Variants in ANK3 observed in about 807,000 individuals in gnomAD.
ANK3 encodes the protein ankyrin-3.
A neutral mutation model predicts 370.9 loss-of-function variants in ANK3; 57 were observed. That is an observed-to-expected ratio of 0.15 (90% CI 0.12 to 0.19). The LOEUF is 0.19. Among genes scored for constraint, ANK3 ranks in the 10% least tolerant of loss-of-function variants. ANK3 has a pLI of 1.00. For synonymous variants in ANK3, 1,929 were observed against 1,946.3 expected, an observed-to-expected ratio of 0.99 and a Z score of 0.23; for missense variants, 4,439 against 5,302.1, an observed-to-expected ratio of 0.84 and a Z score of 5.06.
intron 1 of ANK3, among the ~76,000 whole-genome samples, chr10:60,727,559 T>C (rs1259797639): frequency 6.6e-6 from 1 of 152,204 alleles, no homozygotes; most frequent in African/African-American, 2.4e-5. Context: ...GTATGTGAAT[T>C]ATACCTCAAT....
chr10:60,093,355 T>C (rs940665866), intron 28 of ANK3, among the ~76,000 whole-genome samples: 4 of 152,218 alleles, frequency 2.6e-5, no homozygotes, highest in Admixed American at 2.6e-4. Context: ...GGCTCAGGAC[T>C]CCTTATGGTG....
chr10:60,072,149 C>A lies in ANK3; in HGVS notation c.8732G>T (p.Gly2911Val). Residue 2911 changes from glycine (G) to valine (V), a missense_variant, in exon 37 of 44, where the codon GGC (glycine) becomes GTC (valine). By Grantham distance (109) the Gly-to-Val change is moderately radical. Transcript: ENST00000280772. ...CATTTCTTTAATTTCTGAGAGAGAGCCGTTTGTTAACAATTTGCGTTCTCT... is the reference window on the plus strand; with the variant it reads ...CATTTCTTTAATTTCTGAGAGAGAGACGTTTGTTAACAATTTGCGTTCTCT... The part of the protein sequence containing the change: ...TERERKLLTN[G>V]SLSEIKEMTV... 1 of 1,613,726 alleles carries A rather than the reference C, an allele frequency of 6.2e-7. No homozygotes were observed. The highest frequency in any genetic ancestry group is 8.5e-7 in the Non-Finnish European group (1 of 1,179,982).
Position 60,071,683 on chromosome 10 carries a change from G to A in ANK3, c.9198C>T (p.Phe3066=), listed in dbSNP as rs777160465. 4.2e-5 allele frequency: 68 copies of A among 1,602,920 alleles called. No homozygotes were observed. The highest frequency in any genetic ancestry group is 5.5e-5 in the Non-Finnish European group (65 of 1,176,002). The change falls in exon 37 of 44, where the codon TTC becomes TTT. Residue 3066 remains phenylalanine (F), a synonymous_variant. Coordinates refer to ENST00000280772, the MANE Select transcript of ANK3 (RefSeq NM_020987.5). ...CCAATCCATCAATGGGACTGTGGTC[G>A]AATACATCACTAGAGGGAGATTCCT... is the stretch of plus-strand genomic sequence containing the variant. ...PGKESPSSDV[F]DHSPIDGLEK...
At chr10:60,389,945 A>G (rs2062955667), upstream of ANK3, 1 of 733,884 alleles carries the variant, frequency 1.4e-6, no homozygotes, top group Non-Finnish European at 1.7e-6. Context: ...GTCACCACAC[A>G]TGCAGAAGCA....
chr10:60,168,537 G>GT (rs986479180), intron 21 of ANK3, among the ~76,000 whole-genome samples: 1 of 148,338 alleles, frequency 6.7e-6, no homozygotes, highest in African/African-American at 2.6e-5. Context: ...GACTTTCCTT[G>GT]TTTTTTTAAA....
chr10:60,515,189 T>A (rs943731676), intron 2 of ANK3, among the ~76,000 whole-genome samples: 3 of 152,156 alleles, frequency 2.0e-5, no homozygotes, highest in African/African-American at 7.2e-5. Context: ...CCAAAAGGCA[T>A]CTGATATCAT....
At chr10:60,332,087 T>G (rs1480467558) in intron 1 of ANK3, among the ~76,000 whole-genome samples, 1 of 152,190 alleles carries the variant, frequency 6.6e-6, no homozygotes, top group African/African-American at 2.4e-5. Context: ...CATTTTCTAT[T>G]GTGCTAACCT....
At chr10:60,082,860 A>C in intron 33 of ANK3, 123 bp from the exon 34 acceptor site, 12 of 1,161,032 alleles carry the variant, frequency 1.0e-5, no homozygotes, top group Non-Finnish European at 1.4e-5. Flanking sequence ...TAAAGGGAAA[A>C]GATGATGATT....
At chr10:60,480,502 G>T (rs545932807) in intron 2 of ANK3, among the ~76,000 whole-genome samples, 142 of 152,096 alleles carry the variant, frequency 9.3e-4, no homozygotes, top group African/African-American at 3.2e-3. Context: ...AAACAAAACT[G>T]ATTGTTGGTC....
intron 26 of ANK3, chr10:60,111,721 A>G (rs543275090): frequency 2.2e-6 from 1 of 455,020 alleles, no homozygotes; most frequent in South Asian, 1.6e-5. Context: ...CACATAAAGG[A>G]CACAGTTATC....
chr10:60,029,673 T>C lies in ANK3; in HGVS notation c.*173A>G, dbSNP rs2072818909. 4 of 152,500 alleles carry C rather than the reference T, an allele frequency of 2.6e-5. No individual in the cohort carries two copies. In the South Asian group the frequency reaches 8.3e-4, roughly 32 times the overall value. 9.4% of individuals were successfully genotyped at this position (152,500 alleles called of 1,614,324 possible). ...AATTGGCTCATGCTAAATTAAAATG[T>C]GGGTGGTTTTCTTTTCTTTTCTTTT... is the stretch of plus-strand genomic sequence containing the variant. On this transcript the variant is annotated 3_prime_UTR_variant, in exon 44 of 44. Coordinates refer to ENST00000280772, the MANE Select transcript of ANK3 (RefSeq NM_020987.5).
At chr10:60,280,007 T>C (rs2098138597) in intron 1 of ANK3, among the ~76,000 whole-genome samples, 1 of 152,204 alleles carries the variant, frequency 6.6e-6, no homozygotes, top group African/African-American at 2.4e-5. Flanking sequence ...GTAACATCTA[T>C]TCCTTTTATC....
At chr10:60,076,942 C>T (rs939341101) in intron 36 of ANK3, among the ~76,000 whole-genome samples, 1 of 152,146 alleles carries the variant, frequency 6.6e-6, no homozygotes, top group African/African-American at 2.4e-5. Flanking sequence ...TTAGCCTTTC[C>T]ATGATACAGA....
Position 60,080,536 on chromosome 10 carries a change from C to T in ANK3, c.4432+1G>A, listed in dbSNP as rs1589699039. 6.2e-7 allele frequency: 1 copy of T among 1,611,802 alleles called. No homozygotes were observed. The highest frequency in any genetic ancestry group is 1.1e-5 in the South Asian group (1 of 90,842). On this transcript the variant is annotated splice_donor_variant, in intron 36 of 43. Transcript: ENST00000280772. LOFTEE classifies it high-confidence loss of function. The stretch of plus-strand genomic sequence containing the variant: ...ATTAGTAAATGTGTTAGGAAACTCA[C>T]TCATTCCAGGCTCAGTCAAGTAGCT...
chr10:60,413,620 G>GA (rs1220702955), intron 2 of ANK3, among the ~76,000 whole-genome samples: 1 of 151,958 alleles, frequency 6.6e-6, no homozygotes, highest in Non-Finnish European at 1.5e-5. Context: ...GAAGTCTGGG[G>GA]AAAAATCAAT....
intron 1 of ANK3, among the ~76,000 whole-genome samples, chr10:60,623,489 C>A (rs1341098140): frequency 6.6e-6 from 1 of 152,062 alleles, no homozygotes. Context: ...GATTAAGTAA[C>A]CTGGGACCAC....
intron 2 of ANK3, among the ~76,000 whole-genome samples, chr10:60,590,171 C>A (rs2077890084): frequency 6.6e-6 from 1 of 152,144 alleles, no homozygotes; most frequent in Non-Finnish European, 1.5e-5. Flanking sequence ...CATAATTTAG[C>A]CCTGCCCTAT....
intron 2 of ANK3, among the ~76,000 whole-genome samples, chr10:60,460,434 A>AT (rs2064854954): frequency 6.6e-6 from 1 of 152,146 alleles, no homozygotes; most frequent in African/African-American, 2.4e-5. Context: ...AAACAGATAC[A>AT]TTTTTCCTAA....
chr10:60,474,738 A>G (rs1437306175), intron 2 of ANK3, among the ~76,000 whole-genome samples: 1 of 152,134 alleles, frequency 6.6e-6, no homozygotes, highest in Non-Finnish European at 1.5e-5. Context: ...TACATATGCA[A>G]GTCTATTTGT....
Sources: gnomAD v4.1 joint callset for allele counts (sites outside exome capture counted in the v4.1 genomes callset) on GRCh38, gnomAD v4.1.1 for gene constraint, MANE v1.5 for transcripts, NCBI Gene and HGNC (gene_info 2026-07-23, HGNC 2026-07-21) for gene names.